The following SOS1 variants were observed in gnomAD, a reference collection of about 807,000 sequenced individuals.
SOS1 encodes the protein SOS Ras/Rac guanine nucleotide exchange factor 1, also known as son of sevenless homolog 1.
Under a neutral mutation model 157.6 loss-of-function variants are expected in SOS1, and 25 were observed. The ratio of observed to expected loss-of-function variants is 0.16; its 90% confidence interval spans 0.12 to 0.22. SOS1 has a LOEUF of 0.22. Among genes scored for constraint, SOS1 ranks in the 10% least tolerant of loss-of-function variants. The probability of loss-of-function intolerance (pLI) is 1.00; values close to 1 mark genes in which losing one functional copy is unlikely to be tolerated. For synonymous variants in SOS1, 528 were observed against 534.0 expected, an observed-to-expected ratio of 0.99 and a Z score of 0.16; for missense variants, 1,237 against 1,599.1, an observed-to-expected ratio of 0.77 and a Z score of 3.86.
intron 1 of SOS1, among the ~76,000 whole-genome samples, chr2:39,090,223 G>C (rs1015599259): frequency 6.6e-6 from 1 of 151,464 alleles, no homozygotes; most frequent in Non-Finnish European, 1.5e-5. Context: ...AAATGGTAGC[G>C]CCTAGGGCTA....
chr2:39,093,902 A>G (rs1333812312), intron 1 of SOS1, among the ~76,000 whole-genome samples: 3 of 152,224 alleles, frequency 2.0e-5, no homozygotes, highest in African/African-American at 7.2e-5. Context: ...AAAAGAAACT[A>G]CCACTTGTGG....
rs766305289 is a variant in SOS1, at chr2:38,997,247, A to G, written c.2964+6T>C. 4 of 1,597,818 alleles carry G rather than the reference A, an allele frequency of 2.5e-6. No homozygotes were observed. The highest frequency in any genetic ancestry group is 1.7e-6 in the Non-Finnish European group (2 of 1,166,344). ...GAAGTATGAATCTTTAAATAATTCA[A>G]CTTACTTTGATATCTGATTCTACTC... On this transcript the variant is annotated splice_donor_region_variant and intron_variant, in intron 18 of 22. Transcript: ENST00000402219.
rs370687707 is a variant in SOS1 at position 39,054,605 on chromosome 2, G to C, written c.720+9C>G. 1.4e-6 allele frequency: 2 copies of C among 1,476,960 alleles called. No individual in the cohort carries two copies. Among genetic ancestry groups the C allele is most frequent in the Non-Finnish European group, 1.9e-6 (2 of 1,057,064 alleles). 91.5% of individuals were successfully genotyped at this position (1,476,960 alleles called of 1,614,324 possible). The stretch of plus-strand genomic sequence containing the variant: ...ATTCAATGAGAGGCATATATACAAT[G>C]ATACTTACATTAGCTGAAAACAATT... On this transcript the variant is annotated intron_variant, in intron 5 of 22. Transcript: ENST00000402219.
intron 1 of SOS1, among the ~76,000 whole-genome samples, chr2:39,108,363 C>T (rs1204816322): frequency 6.6e-6 from 1 of 152,194 alleles, no homozygotes; most frequent in African/African-American, 2.4e-5. Context: ...TAAAACCCTG[C>T]AGTTGCTCCC....
chr2:39,042,605 A>C (rs1670609527), intron 6 of SOS1, among the ~76,000 whole-genome samples: 1 of 151,312 alleles, frequency 6.6e-6, no homozygotes, highest in South Asian at 2.1e-4. Flanking sequence ...GGGTTTCATC[A>C]TGTTGGCCAG....
At chr2:39,093,513 C>T (rs1231358816) in intron 1 of SOS1, among the ~76,000 whole-genome samples, 1 of 152,134 alleles carries the variant, frequency 6.6e-6, no homozygotes, top group African/African-American at 2.4e-5. Flanking sequence ...ATAATTTTCA[C>T]ACTCAACAAA....
upstream of SOS1, among the ~76,000 whole-genome samples, chr2:39,123,824 G>A (rs1004289475): frequency 6.6e-6 from 1 of 152,202 alleles, no homozygotes; most frequent in Admixed American, 6.5e-5. Flanking sequence ...GAAAACGGGC[G>A]ATTTTCGGGG....
chr2:39,082,138 G>A (rs570576124), intron 1 of SOS1, among the ~76,000 whole-genome samples: 10 of 152,008 alleles, frequency 6.6e-5, no homozygotes, highest in Non-Finnish European at 1.0e-4. Flanking sequence ...TCAAATACTA[G>A]GTCTTATTCA....
At chr2:39,057,570 G>A (rs1671255257) in intron 3 of SOS1, among the ~76,000 whole-genome samples, 1 of 151,998 alleles carries the variant, frequency 6.6e-6, no homozygotes, top group Non-Finnish European at 1.5e-5. Context: ...GAGACAGGCT[G>A]CATTTACCTT....
chr2:39,038,346 T>C (rs1403357840), intron 6 of SOS1, among the ~76,000 whole-genome samples: 2 of 152,056 alleles, frequency 1.3e-5, no homozygotes, highest in African/African-American at 4.8e-5. Flanking sequence ...GAAAGAGAAA[T>C]AGGATTAGAA....
rs59580960 is a variant in SOS1, at chr2:39,044,864, G to GCACACACA, written c.864+6272_864+6279dup. On this transcript the variant is annotated intron_variant, in intron 6 of 22. Coordinates refer to ENST00000402219, the MANE Select transcript of SOS1 (RefSeq NM_005633.4). ...TGTACACACACATGCGCGCGCGCGC[G>GCACACACA]CACACACACACACACACTCTGTTGT... Among the ~76,000 whole-genome samples the GCACACACA allele has an allele frequency of 1.8e-3, 269 of 147,748 alleles. 1 individual carries two copies. The highest frequency in any genetic ancestry group is 0.015 in the South Asian group (71 of 4,606).
chr2:39,059,725 TTGG>T (rs1671336017), intron 2 of SOS1, among the ~76,000 whole-genome samples: 1 of 152,134 alleles, frequency 6.6e-6, no homozygotes, highest in African/African-American at 2.4e-5. Flanking sequence ...TGTGATGCCC[TTGG>T]TGGTGAGGGA....
intron 1 of SOS1, among the ~76,000 whole-genome samples, chr2:39,097,340 T>C (rs1672807425): frequency 6.6e-6 from 1 of 152,210 alleles, no homozygotes; most frequent in East Asian, 1.9e-4. Flanking sequence ...TAATTCTTTA[T>C]GACAGTTATA....
chr2:39,020,636 A>G (rs1669768169), intron 10 of SOS1, among the ~76,000 whole-genome samples: 1 of 151,726 alleles, frequency 6.6e-6, no homozygotes, highest in Admixed American at 6.6e-5. Flanking sequence ...TTGATCTGTT[A>G]CCATTGTAGT....
At chr2:39,013,700 CTA>C (rs1013631708) in intron 12 of SOS1, 137 bp from the exon 13 acceptor site, 8 of 895,930 alleles carry the variant, frequency 8.9e-6, no homozygotes, top group African/African-American at 5.0e-5. Flanking sequence ...TTCCAAAATT[CTA>C]TGTTAAGGCT....
At chr2:39,068,242 T>C (rs1031773488) in intron 1 of SOS1, among the ~76,000 whole-genome samples, 1 of 152,256 alleles carries the variant, frequency 6.6e-6, no homozygotes, top group African/African-American at 2.4e-5. Flanking sequence ...TATATGTTCC[T>C]GGAGATCCAG....
chr2:39,035,859 G>C (rs1196542840), intron 6 of SOS1, among the ~76,000 whole-genome samples: 4 of 151,922 alleles, frequency 2.6e-5, no homozygotes, highest in African/African-American at 7.3e-5. Context: ...AACTAGGTAA[G>C]GTATAAACAT....
intron 6 of SOS1, among the ~76,000 whole-genome samples, chr2:39,038,132 G>A (rs1320251189): frequency 6.6e-6 from 1 of 152,150 alleles, no homozygotes; most frequent in Non-Finnish European, 1.5e-5. Flanking sequence ...TGATTCCTCT[G>A]CTGCAGCTGG....
At chr2:39,106,793 A>G (rs1343040575) in intron 1 of SOS1, among the ~76,000 whole-genome samples, 1 of 152,176 alleles carries the variant, frequency 6.6e-6, no homozygotes, top group African/African-American at 2.4e-5. Context: ...AGGAAAACCA[A>G]CAAGGAGTCA....
Sources: gnomAD v4.1 joint callset for allele counts (sites outside exome capture counted in the v4.1 genomes callset) on GRCh38, gnomAD v4.1.1 for gene constraint, MANE v1.5 for transcripts, NCBI Gene and HGNC (gene_info 2026-07-23, HGNC 2026-07-21) for gene names.